NEFH: variants seen among roughly 807,000 people sequenced by gnomAD.
NEFH encodes the protein neurofilament heavy chain.
In NEFH, 58 loss-of-function variants were observed where a neutral mutation model predicts 56.6. The ratio of observed to expected loss-of-function variants is 1.03; its 90% CI spans 0.83 to 1.28. The LOEUF (loss-of-function observed/expected upper bound fraction) is 1.28, where lower values mean the gene tolerates loss of function less well. NEFH is among the 50% of genes most tolerant of loss of function. The probability of loss-of-function intolerance (pLI) is 0.00; values close to 1 mark genes in which losing one functional copy is unlikely to be tolerated. For missense variants in NEFH, 1,221 were observed against 1,307.6 expected (o/e 0.93, Z 1.02); for synonymous variants, 542 against 545.8 (o/e 0.99, Z 0.10).
intron 3 of NEFH, among the ~76,000 whole-genome samples, chr22:29,486,075 G>T (rs917240602): frequency 2.0e-5 from 3 of 152,152 alleles, no homozygotes. Context: ...TTGAAGTATG[G>T]TGGTGCGATC....
In NEFH at chr22:29,489,578, A is replaced by AAGTCCCCTGAGAAGGCC; in HGVS notation, c.1939_1940insGTCCCCTGAGAAGGCCA (p.Lys647SerfsTer30). ...CCAAGTCTCCAACGAAGGAGGAAGC[A>AAGTCCCCTGAGAAGGCC]AAGTCCCCTGAGAAGGCCAAGTCCC... On this transcript the variant is annotated frameshift_variant, in exon 4 of 4. Coordinates refer to ENST00000310624, the MANE Select transcript of NEFH (RefSeq NM_021076.4). LOFTEE classifies it low-confidence loss of function (END_TRUNC). The AAGTCCCCTGAGAAGGCC allele has an allele frequency of 1.4e-6, 1 of 705,156 alleles. No individual in the cohort carries two copies. Among genetic ancestry groups the AAGTCCCCTGAGAAGGCC allele is most frequent in the Non-Finnish European group, 2.2e-6 (1 of 445,978 alleles). 43.7% of individuals were successfully genotyped at this position (705,156 alleles called of 1,614,324 possible).
Position 29,489,436 on chromosome 22 carries a change from A to C in NEFH, c.1796A>C (p.Lys599Thr), listed in dbSNP as rs1403224343. Residue 599 changes from lysine (K) to threonine (T), a missense_variant, in exon 4 of 4, where the codon AAG becomes ACG. By Grantham distance (78) the Lys-to-Thr change is moderately conservative. Coordinates refer to ENST00000310624, the MANE Select transcript of NEFH (RefSeq NM_021076.4). The part of the protein sequence containing the change: ...KEEAKSPAEA[K>T]SPEKAKSPVK... ...GAGGCAAAGTCACCGGCTGAGGCCA[A>C]GTCTCCAGAGAAGGCCAAGTCCCCA... 1.9e-6 allele frequency: 3 copies of C among 1,613,396 alleles called. No homozygotes were observed. Among genetic ancestry groups the C allele is most frequent in the Non-Finnish European group, 2.5e-6 (3 of 1,179,744 alleles).
At position 29,483,531 on chromosome 22, in the gene NEFH, C is replaced by G. The variant is rs12159483; in HGVS notation, c.1040C>G (p.Ser347Cys). ...STKDSLERQR[S>C]ELEDRHQADI... Reference sequence around the variant, plus strand: ...AAGGACTCACTGGAGAGGCAGCGCTCTGAGCTGGAGGACCGTCATCAGGCC... The same window carrying G: ...AAGGACTCACTGGAGAGGCAGCGCTGTGAGCTGGAGGACCGTCATCAGGCC... Residue 347 changes from serine to cysteine, a missense_variant, in exon 2 of 4, where the codon TCT becomes TGT. By Grantham distance (112) the Ser-to-Cys change is moderately radical. Coordinates refer to ENST00000310624, the MANE Select transcript of NEFH (RefSeq NM_021076.4). The G allele has an allele frequency of 1.9e-5, 30 of 1,613,850 alleles. No individual in the cohort carries two copies. In the African/African-American group the frequency reaches 4.0e-4, roughly 22 times the overall value.
intron 1 of NEFH, among the ~76,000 whole-genome samples, chr22:29,482,970 CAT>C (rs1482065911): frequency 2.0e-5 from 3 of 152,120 alleles, no homozygotes; most frequent in Non-Finnish European, 2.9e-5. Flanking sequence ...GGTCAATCCA[CAT>C]GTGTCACCTT....
Position 29,489,313 on chromosome 22 carries a change from C to T in NEFH, c.1673C>T (p.Ala558Val), listed in dbSNP as rs548106910. 1 of 1,612,364 alleles carries T rather than the reference C, an allele frequency of 6.2e-7. No individual in the cohort carries two copies. Among genetic ancestry groups the T allele is most frequent in the South Asian group, 1.1e-5 (1 of 89,836 alleles). ...GCCAAGTCTCCAGCAAAGGAAGAGG[C>T]AAAGTCACCGCCTGAGGCCAAGTCC... is the stretch of plus-strand genomic sequence containing the variant. ...EKAKSPAKEE[A>V]KSPPEAKSPE... Residue 558 changes from alanine to valine, a missense_variant, in exon 4 of 4, where the codon GCA (alanine) becomes GTA (valine). Physicochemically the swap from Ala to Val is moderately conservative, Grantham distance 64. This residue lies in a region of NEFH where 243 missense variants were observed against 299.1 expected (regional missense o/e 0.81). Coordinates refer to ENST00000310624, the MANE Select transcript of NEFH (RefSeq NM_021076.4).
At position 29,481,142 on chromosome 22, in the gene NEFH, C is replaced by G. The variant is rs903741437; in HGVS notation, c.880C>G (p.Arg294Gly). The change falls in exon 1 of 4, where the codon CGA (arginine) becomes GGA (glycine). Residue 294 changes from arginine to glycine, a missense_variant. Around this residue, in one of 4 missense-constraint regions of NEFH, gnomAD observed 640 missense variants for 555.5 expected, o/e 1.15. Transcript: ENST00000310624. Reference protein sequence around the residue: ...QSTLQSEEWFRVRLDRLSEAA... With the variant: ...QSTLQSEEWFGVRLDRLSEAA... The stretch of plus-strand genomic sequence containing the variant: ...CACGCTGCAGTCCGAGGAGTGGTTC[C>G]GAGGTACGCAGGCGCGCGGGTGGGG... 3.3e-6 allele frequency: 5 copies of G among 1,528,446 alleles called. No individual in the cohort carries two copies. The highest frequency in any genetic ancestry group is 1.4e-5 in the African/African-American group (1 of 72,114). 94.7% of individuals were successfully genotyped at this position (1,528,446 alleles called of 1,614,324 possible).
rs770208141 is a variant in NEFH at position 29,480,920 on chromosome 22, G to A, written c.658G>A (p.Ala220Thr). The A allele has an allele frequency of 2.4e-5, 37 of 1,517,732 alleles. No homozygotes were observed. The highest frequency in any genetic ancestry group is 3.2e-5 in the Non-Finnish European group (37 of 1,140,460). The allele number at this position is 1,517,732 out of a possible 1,614,324, so 94.0% of individuals were successfully genotyped here. A position where few individuals can be genotyped will look rare whatever the true frequency, so the allele number is the denominator to read the frequency against. ...EAARVDLQKK[A>T]QALQEECGYL... ...GGCGCGCGTGGACCTGCAGAAGAAG[G>A]CGCAGGCGCTGCAGGAGGAGTGCGG... Residue 220 changes from alanine to threonine, a missense_variant, in exon 1 of 4, where the codon GCG becomes ACG. Ala to Thr is a moderately conservative substitution (Grantham distance 58, BLOSUM62 0). Around this residue, in one of 4 missense-constraint regions of NEFH, gnomAD observed 640 missense variants for 555.5 expected, o/e 1.15. Transcript: ENST00000310624.
chr22:29,483,876 G>A (rs2063028570), intron 2 of NEFH, among the ~76,000 whole-genome samples: 1 of 141,366 alleles, frequency 7.1e-6, no homozygotes, highest in Admixed American at 7.0e-5. Flanking sequence ...TTGAGATGGA[G>A]TCTCACTCTG....
In NEFH at chr22:29,480,614, C is replaced by G. The variant is rs1214459538; in HGVS notation, c.352C>G (p.Leu118Val). Residue 118 changes from leucine to valine, a missense_variant, in exon 1 of 4, where the codon CTG (leucine) becomes GTG (valine). Leu to Val is a conservative substitution (Grantham distance 32). Transcript: ENST00000310624. The stretch of plus-strand genomic sequence containing the variant: ...CGGGTACATCGACAAGGTGCGGCAG[C>G]TGGAGGCGCACAACCGCAGCCTGGA... ...FAGYIDKVRQLEAHNRSLEGE... is the reference protein window; with the variant it reads ...FAGYIDKVRQVEAHNRSLEGE... The G allele has an allele frequency of 3.8e-6, 6 of 1,563,898 alleles. No individual in the cohort carries two copies. The African/African-American group carries it at 6.7e-5, about 18-fold the overall frequency.
intron 3 of NEFH, among the ~76,000 whole-genome samples, 156 bp from the exon 4 acceptor site, chr22:29,488,693 G>A (rs561190188): frequency 6.6e-6 from 1 of 152,162 alleles, no homozygotes; most frequent in Admixed American, 6.5e-5. Flanking sequence ...TTTGCCAAGT[G>A]ACTTTCTCTA....
rs2063067134 is a variant in NEFH, at chr22:29,489,660, GCAAAGTCCCCTGAGA to G, written c.2021_2035del (p.Ala674_Lys679delinsGlu). 1 of 1,607,478 alleles carries G rather than the reference GCAAAGTCCCCTGAGA, an allele frequency of 6.2e-7. No homozygotes were observed. The highest frequency in any genetic ancestry group is 1.4e-5 in the African/African-American group (1 of 73,472). Reference sequence around the variant, plus strand: ...GGCCAAGTCCCCAGTGAAGGCAGAAGCAAAGTCCCCTGAGAAGGCCAAGTCCCCAGTGAAGGCAGA... The same window carrying G: ...GGCCAAGTCCCCAGTGAAGGCAGAAGAGGCCAAGTCCCCAGTGAAGGCAGA... On this transcript the variant is annotated inframe_deletion, in exon 4 of 4. Coordinates refer to ENST00000310624, the MANE Select transcript of NEFH (RefSeq NM_021076.4).
intron 1 of NEFH, 140 bp from the exon 2 acceptor site, chr22:29,483,235 C>T: frequency 1.3e-6 from 1 of 761,776 alleles, no homozygotes; most frequent in Non-Finnish European, 2.2e-6. Flanking sequence ...GCTGAGAGTG[C>T]ACCACTGCCC....
chr22:29,489,090 A>G lies in NEFH; in HGVS notation c.1450A>G (p.Lys484Glu). The part of the protein sequence containing the change: ...EEKEAKEEEG[K>E]EEEGGEEEEA... ...GAAAGAGGCCAAAGAGGAGGAGGGCAAGGAGGAAGAAGGGGGTGAAGAAGA... is the reference window on the plus strand; with the variant it reads ...GAAAGAGGCCAAAGAGGAGGAGGGCGAGGAGGAAGAAGGGGGTGAAGAAGA... The change falls in exon 4 of 4, where the codon AAG (lysine) becomes GAG (glutamate). Residue 484 changes from lysine to glutamate, a missense_variant. Around this residue, in one of 4 missense-constraint regions of NEFH, gnomAD observed 243 missense variants for 299.1 expected, o/e 0.81. Coordinates refer to ENST00000310624, the MANE Select transcript of NEFH (RefSeq NM_021076.4). The G allele has an allele frequency of 6.2e-7, 1 of 1,613,358 alleles. No homozygotes were observed. Among genetic ancestry groups the G allele is most frequent in the Non-Finnish European group, 8.5e-7 (1 of 1,179,540 alleles).
At chr22:29,487,469 C>CAA (rs60393645) in intron 3 of NEFH, among the ~76,000 whole-genome samples, 13,982 of 139,680 alleles carry the variant, frequency 0.1, 695 homozygotes, top group Non-Finnish European at 0.12. Context: ...ACAAAAAATA[C>CAA]AAAAAAAAAA....
chr22:29,481,968 G>A (rs1177395315), intron 1 of NEFH, among the ~76,000 whole-genome samples: 1 of 152,144 alleles, frequency 6.6e-6, no homozygotes, highest in East Asian at 1.9e-4. Flanking sequence ...AGATCAACTG[G>A]GCTGCTTAAT....
rs1602975338 is a variant in NEFH at position 29,490,639 on chromosome 22, C to G, written c.2999C>G (p.Thr1000Arg). ...GAAAAGGCTGAAAAATCCTCCAGCA[C>G]AGACCAAAAAGACAGCAAGCCTCCA... Reference protein sequence around the residue: ...KAEKAEKSSSTDQKDSKPPEK... With the variant: ...KAEKAEKSSSRDQKDSKPPEK... Residue 1000 changes from threonine to arginine, a missense_variant, in exon 4 of 4, where the codon ACA becomes AGA. Coordinates refer to ENST00000310624, the MANE Select transcript of NEFH (RefSeq NM_021076.4). 1 of 1,614,128 alleles carries G rather than the reference C, an allele frequency of 6.2e-7. No individual in the cohort carries two copies.
Position 29,490,258 on chromosome 22 carries a change from A to G in NEFH, c.2618A>G (p.Lys873Arg), listed in dbSNP as rs1176774190. Reference protein sequence around the residue: ...EAPKKEAPKPKVEEKKEPAVE... With the variant: ...EAPKKEAPKPRVEEKKEPAVE... ...CCCAAGAAGGAGGCTCCAAAGCCCA[A>G]GGTGGAGGAGAAGAAGGAACCTGCT... Residue 873 changes from lysine (K) to arginine (R), a missense_variant, in exon 4 of 4, where the codon AAG becomes AGG. Physicochemically the swap from Lys to Arg is conservative, Grantham distance 26. This residue lies in a region of NEFH where 301 missense variants were observed against 346.6 expected (regional missense o/e 0.87). Coordinates refer to ENST00000310624, the MANE Select transcript of NEFH (RefSeq NM_021076.4). 2 of 1,612,110 alleles carry G rather than the reference A, an allele frequency of 1.2e-6. No individual in the cohort carries two copies. The highest frequency in any genetic ancestry group is 4.5e-5 in the East Asian group (2 of 44,852).
Position 29,490,748 on chromosome 22 carries a change from G to T in NEFH, c.*45G>T. On this transcript the variant is annotated 3_prime_UTR_variant, in exon 4 of 4. Coordinates refer to ENST00000310624, the MANE Select transcript of NEFH (RefSeq NM_021076.4). ...CCGGAACAGCCAAAGAAACTCAGAA[G>T]AGTCCCGGAGCTCAAGGATCAGAGT... 1.2e-6 allele frequency: 2 copies of T among 1,612,438 alleles called. No individual in the cohort carries two copies. The highest frequency in any genetic ancestry group is 1.7e-6 in the Non-Finnish European group (2 of 1,179,514).
At position 29,489,261 on chromosome 22, in the gene NEFH, C is replaced by G. The variant is rs779080374; in HGVS notation, c.1621C>G (p.Pro541Ala). The G allele has an allele frequency of 1.2e-6, 2 of 1,612,868 alleles. No individual in the cohort carries two copies. The highest frequency in any genetic ancestry group is 2.2e-5 in the East Asian group (1 of 44,836). ...KSPEKEEAKSPAEVKSPEKAK... is the reference protein window; with the variant it reads ...KSPEKEEAKSAAEVKSPEKAK... ...CCCAGAGAAGGAGGAAGCAAAATCC[C>G]CAGCCGAAGTCAAGTCCCCTGAGAA... The change falls in exon 4 of 4, where the codon CCA (proline) becomes GCA (alanine). Residue 541 changes from proline to alanine, a missense_variant. Pro to Ala is a conservative substitution (Grantham distance 27, BLOSUM62 -1). Coordinates refer to ENST00000310624, the MANE Select transcript of NEFH (RefSeq NM_021076.4).
Sources: gnomAD v4.1 joint callset for allele counts (sites outside exome capture counted in the v4.1 genomes callset) on GRCh38, gnomAD v4.1.1 for gene constraint, gnomAD v4.1.1 regional missense constraint, MANE v1.5 for transcripts, NCBI Gene and HGNC (gene_info 2026-07-23, HGNC 2026-07-21) for gene names.